ARPP21: variants seen among roughly 807,000 people sequenced by gnomAD.
The protein encoded by ARPP21 is cAMP regulated phosphoprotein 21.
ARPP21 carries 69 observed loss-of-function variants against 113.2 expected under a neutral mutation model. That is an observed-to-expected ratio of 0.61 (90% confidence interval 0.50 to 0.74). ARPP21 has a LOEUF of 0.74. Among genes scored for constraint, ARPP21 ranks in the 30% least tolerant of loss-of-function variants. The probability of loss-of-function intolerance (pLI) is 0.00; values close to 1 mark genes in which losing one functional copy is unlikely to be tolerated. For missense variants in ARPP21, 1,070 were observed against 1,037.4 expected (o/e 1.03, Z -0.43); for synonymous variants, 368 against 375.5 (o/e 0.98, Z 0.23).
chr3:35,675,201 C>CTTTTTTTTTTTTTTTTTTTTTTTTTTTTT, intron 1 of ARPP21, among the ~76,000 whole-genome samples: 1 of 151,540 alleles, frequency 6.6e-6, no homozygotes, highest in African/African-American at 2.4e-5. Context: ...CACCACCTTT[C>CTTTTTTTTTTTTTTTTTTTTTTTTTTTTT]ATGTGGGTAA....
At chr3:35,711,365 C>A (rs2091065367) in intron 11 of ARPP21, among the ~76,000 whole-genome samples, 1 of 152,160 alleles carries the variant, frequency 6.6e-6, no homozygotes, top group Non-Finnish European at 1.5e-5. Context: ...CATATTCTTA[C>A]AAGTTTCCAT....
At chr3:35,685,157 G>T in intron 5 of ARPP21, 1 of 985,396 alleles carries the variant, frequency 1.0e-6, no homozygotes, top group Non-Finnish European at 1.2e-6. Context: ...GACTTAATCT[G>T]CTTTTTGTCC....
intron 1 of ARPP21, among the ~76,000 whole-genome samples, chr3:35,672,443 A>G (rs1179476733): frequency 2.0e-5 from 3 of 152,068 alleles, no homozygotes; most frequent in African/African-American, 7.2e-5. Flanking sequence ...CTTTATTGCC[A>G]CATTAGTTTT....
chr3:35,666,029 G>T (rs774477980), intron 1 of ARPP21, among the ~76,000 whole-genome samples: 2 of 151,970 alleles, frequency 1.3e-5, no homozygotes, highest in Non-Finnish European at 2.9e-5. Flanking sequence ...CCAACCTTAC[G>T]GTTCAAAGAA....
chr3:35,715,716 G>A, intron 12 of ARPP21: 1 of 316,984 alleles, frequency 3.2e-6, no homozygotes, highest in Non-Finnish European at 5.9e-6. Context: ...CTTATTTAAA[G>A]TCTCAATTTC....
At chr3:35,747,351 A>C (rs1384356873) in intron 19 of ARPP21, among the ~76,000 whole-genome samples, 2 of 127,740 alleles carry the variant, frequency 1.6e-5, no homozygotes, top group Middle Eastern at 3.5e-3. Context: ...ACAGAGCAAG[A>C]CTCCATCTAA....
At chr3:35,667,514 G>A (rs1377071051) in intron 1 of ARPP21, among the ~76,000 whole-genome samples, 2 of 151,992 alleles carry the variant, frequency 1.3e-5, no homozygotes, top group Non-Finnish European at 2.9e-5. Flanking sequence ...AATAACTTAT[G>A]TGAGAGAGGG....
At chr3:35,745,753 A>AT (rs1481743975) in intron 19 of ARPP21, among the ~76,000 whole-genome samples, 18 of 152,250 alleles carry the variant, frequency 1.2e-4, no homozygotes, top group Admixed American at 6.5e-4. Context: ...TATATGAGGC[A>AT]TTTTTTACTC....
intron 19 of ARPP21, among the ~76,000 whole-genome samples, chr3:35,786,921 C>T (rs528196521): frequency 2.0e-5 from 3 of 152,274 alleles, no homozygotes; most frequent in Admixed American, 6.5e-5. Context: ...CATAGTGATA[C>T]TAAAATATCA....
intron 19 of ARPP21, among the ~76,000 whole-genome samples, chr3:35,778,130 C>T (rs898910315): frequency 7.2e-5 from 11 of 152,132 alleles, no homozygotes; most frequent in Non-Finnish European, 1.3e-4. Flanking sequence ...AAGCGTTGTT[C>T]ATCTCTTTTA....
chr3:35,698,590 A>G (rs954130897), intron 9 of ARPP21, among the ~76,000 whole-genome samples: 1 of 151,650 alleles, frequency 6.6e-6, no homozygotes, highest in Non-Finnish European at 1.5e-5. Flanking sequence ...GTTCTTATCT[A>G]GTCAATTCAC....
intron 19 of ARPP21, among the ~76,000 whole-genome samples, chr3:35,759,672 C>CTGTG (rs1468740553): frequency 0.024 from 2,899 of 119,636 alleles, 89 homozygotes; most frequent in African/African-American, 0.076. Context: ...TTCATTTTCT[C>CTGTG]TCTCTGTGTG....
intron 15 of ARPP21, among the ~76,000 whole-genome samples, chr3:35,731,355 T>TCAAAA (rs1225507609): frequency 6.6e-6 from 1 of 152,190 alleles, no homozygotes; most frequent in Non-Finnish European, 1.5e-5. Flanking sequence ...AGAGCTGTTA[T>TCAAAA]CAAAATATCT....
At chr3:35,715,563 A>G (rs2092267327) in intron 12 of ARPP21, 87 bp downstream of exon 12, 1 of 1,079,242 alleles carries the variant, frequency 9.3e-7, no homozygotes, top group African/African-American at 1.6e-5. Flanking sequence ...TATCCCATAT[A>G]TGTGTGTGCT....
intron 19 of ARPP21, among the ~76,000 whole-genome samples, chr3:35,783,632 T>C (rs1454185088): frequency 6.6e-6 from 1 of 152,174 alleles, no homozygotes; most frequent in Non-Finnish European, 1.5e-5. Context: ...CCCCACATTG[T>C]CTCATGGAGA....
At chr3:35,762,096 C>CCTCT (rs373149403) in intron 19 of ARPP21, among the ~76,000 whole-genome samples, 18,281 of 135,014 alleles carry the variant, frequency 0.14, 1,264 homozygotes, top group African/African-American at 0.18. Flanking sequence ...CTCTCTCTCT[C>CCTCT]CTCTCTCTCT....
intron 9 of ARPP21, among the ~76,000 whole-genome samples, chr3:35,703,696 T>A (rs532877191): frequency 1.5e-4 from 23 of 151,860 alleles, no homozygotes; most frequent in African/African-American, 5.3e-4. Flanking sequence ...TATAGTGAAG[T>A]CTAGTCATCA....
At chr3:35,772,212 A>T (rs1423290507) in intron 19 of ARPP21, among the ~76,000 whole-genome samples, 1 of 152,224 alleles carries the variant, frequency 6.6e-6, no homozygotes, top group Non-Finnish European at 1.5e-5. Flanking sequence ...CGTATCAGTT[A>T]TTCTTGGAAA....
chr3:35,780,801 C>G (rs2096507682), intron 19 of ARPP21, among the ~76,000 whole-genome samples: 1 of 152,020 alleles, frequency 6.6e-6, no homozygotes, highest in Admixed American at 6.6e-5. Context: ...AATAGGGCCC[C>G]AGAGGTTATC....
Sources: gnomAD v4.1 joint callset for allele counts (sites outside exome capture counted in the v4.1 genomes callset) on GRCh38, gnomAD v4.1.1 for gene constraint, MANE v1.5 for transcripts, NCBI Gene and HGNC (gene_info 2026-07-23, HGNC 2026-07-21) for gene names.